Variants in EBF1 observed in about 807,000 individuals in gnomAD.
EBF1 encodes the protein EBF transcription factor 1.
In EBF1, 10 loss-of-function variants were observed where a neutral mutation model predicts 68.4. The observed-to-expected ratio is 0.15, with a 90% CI of 0.09 to 0.25. The LOEUF (loss-of-function observed/expected upper bound fraction) is 0.25. Among genes scored for constraint, EBF1 ranks in the 10% least tolerant of loss-of-function variants. The pLI is 1.00. For missense variants in EBF1, 509 were observed against 794.4 expected (o/e 0.64, Z 4.32); for synonymous variants, 298 against 299.8 (o/e 0.99, Z 0.06).
intron 6 of EBF1, among the ~76,000 whole-genome samples, chr5:158,987,625 A>C (rs1229081636): frequency 6.6e-6 from 1 of 152,126 alleles, no homozygotes; most frequent in Non-Finnish European, 1.5e-5. Flanking sequence ...GTTATTAGAC[A>C]CTCCAAGGAG....
At chr5:158,972,433 G>A (rs1755837237) in intron 6 of EBF1, among the ~76,000 whole-genome samples, 1 of 152,208 alleles carries the variant, frequency 6.6e-6, no homozygotes, top group Non-Finnish European at 1.5e-5. Flanking sequence ...TTCCCAAAAT[G>A]CATCTTTATG....
At chr5:158,863,195 C>T (rs1188183562) in intron 6 of EBF1, among the ~76,000 whole-genome samples, 1 of 152,134 alleles carries the variant, frequency 6.6e-6, no homozygotes, top group Non-Finnish European at 1.5e-5. Context: ...TCTCTTAAGC[C>T]TCCCCCCATG....
chr5:159,063,071 A>T (rs1313644929), intron 6 of EBF1, among the ~76,000 whole-genome samples: 1 of 152,230 alleles, frequency 6.6e-6, no homozygotes, highest in Non-Finnish European at 1.5e-5. Context: ...AGACCACCAG[A>T]TTCAACAACT....
chr5:158,699,059 T>C lies in EBF1; in HGVS notation c.*52A>G, dbSNP rs961773626. The C allele has an allele frequency of 1.3e-6, 2 of 1,535,676 alleles. No homozygotes were observed. Among genetic ancestry groups the C allele is most frequent in the Admixed American group, 2.0e-5 (1 of 50,560 alleles). ...CTCTGGGACTTGTATCAGATTACTC[T>C]CTGTAGCAGAATCCAACCTCTTCAT... On this transcript the variant is annotated 3_prime_UTR_variant, in exon 16 of 16. Coordinates refer to ENST00000313708, the MANE Select transcript of EBF1 (RefSeq NM_024007.5).
chr5:159,083,958 G>T (rs1165918211), intron 5 of EBF1, among the ~76,000 whole-genome samples: 1 of 152,226 alleles, frequency 6.6e-6, no homozygotes, highest in Non-Finnish European at 1.5e-5. Context: ...TGAGGCCATG[G>T]AAGTTAATTT....
At chr5:158,750,518 A>G (rs79721045) in intron 10 of EBF1, among the ~76,000 whole-genome samples, 2,569 of 152,226 alleles carry the variant, frequency 0.017, 24 homozygotes, top group East Asian at 0.05. Flanking sequence ...AAAAAGAGAG[A>G]GGAGACTGAT....
At chr5:158,957,574 G>T (rs1380626352) in intron 6 of EBF1, among the ~76,000 whole-genome samples, 1 of 152,194 alleles carries the variant, frequency 6.6e-6, no homozygotes, top group African/African-American at 2.4e-5. Flanking sequence ...AGAAAAAAAT[G>T]GTCCCAACTC....
chr5:158,740,591 G>T (rs1376232022), intron 10 of EBF1, among the ~76,000 whole-genome samples: 1 of 152,146 alleles, frequency 6.6e-6, no homozygotes, highest in African/African-American at 2.4e-5. Context: ...TGATTATTTG[G>T]TAACATTTTA....
At chr5:158,802,594 A>G (rs1384412166) in intron 8 of EBF1, among the ~76,000 whole-genome samples, 1 of 152,158 alleles carries the variant, frequency 6.6e-6, no homozygotes, top group Non-Finnish European at 1.5e-5. Context: ...CTGGCTTCTG[A>G]GTAAAGACAG....
intron 12 of EBF1, 37 bp from the exon 13 acceptor site, chr5:158,713,184 C>A: frequency 2.2e-6 from 3 of 1,364,030 alleles, no homozygotes; most frequent in Non-Finnish European, 2.9e-6. Context: ...CAGCTGCCCC[C>A]AGTCATATTC....
At chr5:159,000,793 C>T (rs1762372339) in intron 6 of EBF1, among the ~76,000 whole-genome samples, 5 of 151,970 alleles carry the variant, frequency 3.3e-5, no homozygotes, top group Admixed American at 2.6e-4. Flanking sequence ...TTTCAAATGA[C>T]CAATGAGTGA....
At position 158,779,871 on chromosome 5, in the gene EBF1, G is replaced by A. The variant is rs542761268; in HGVS notation, c.910-2332C>T. Reference sequence around the variant, plus strand: ...CTTTAGCATAAAGCATTAGGCTCAGGAAATGCAAACAAATTTTCATTTACA... The same window carrying A: ...CTTTAGCATAAAGCATTAGGCTCAGAAAATGCAAACAAATTTTCATTTACA... On this transcript the variant is annotated intron_variant, in intron 9 of 15. Coordinates refer to ENST00000313708, the MANE Select transcript of EBF1 (RefSeq NM_024007.5). Among the ~76,000 whole-genome samples, 3 of 152,224 alleles carry A rather than the reference G, an allele frequency of 2.0e-5. No homozygotes were observed. In the East Asian group the frequency reaches 5.8e-4, roughly 29 times the overall value.
chr5:159,045,053 T>C (rs2127789426), intron 6 of EBF1, among the ~76,000 whole-genome samples: 1 of 152,288 alleles, frequency 6.6e-6, no homozygotes, highest in East Asian at 1.9e-4. Flanking sequence ...TATTTATGTT[T>C]TCCTCCTTTT....
At chr5:158,729,293 G>T (rs1228709330) in intron 11 of EBF1, among the ~76,000 whole-genome samples, 1 of 152,186 alleles carries the variant, frequency 6.6e-6, no homozygotes, top group Non-Finnish European at 1.5e-5. Flanking sequence ...TGTCCAACCT[G>T]ACTCTCCTCA....
chr5:158,866,179 C>T (rs1795831350), intron 6 of EBF1, among the ~76,000 whole-genome samples: 1 of 152,224 alleles, frequency 6.6e-6, no homozygotes, highest in Middle Eastern at 3.2e-3. Context: ...CTAGGCAAAC[C>T]AGTTGCAGAC....
chr5:158,805,304 G>A lies in EBF1; in HGVS notation c.779-8829C>T, dbSNP rs148143564. ...TGAGCAAGTCTAGTGGAAAATCTGT[G>A]ACGCTAATCTTGGCTGGAGTCGTAT... On this transcript the variant is annotated intron_variant, in intron 8 of 15. Coordinates refer to ENST00000313708, the MANE Select transcript of EBF1 (RefSeq NM_024007.5). Among the ~76,000 whole-genome samples the A allele has an allele frequency of 2.2e-3, 337 of 152,230 alleles. 4 individuals carry two copies. The highest frequency in any genetic ancestry group is 7.9e-3 in the African/African-American group (330 of 41,550).
chr5:159,072,963 T>C (rs973553572), intron 6 of EBF1, among the ~76,000 whole-genome samples: 6 of 152,214 alleles, frequency 3.9e-5, no homozygotes, highest in African/African-American at 1.4e-4. Flanking sequence ...AAATAAAACC[T>C]TAAAGTGTAG....
chr5:158,861,679 G>C (rs1449336114), intron 6 of EBF1, among the ~76,000 whole-genome samples: 1 of 152,156 alleles, frequency 6.6e-6, no homozygotes, highest in Non-Finnish European at 1.5e-5. Context: ...GGCCAAAGCA[G>C]TTTAGTTTGA....
chr5:158,834,544 GT>G (rs1466466535), intron 7 of EBF1, among the ~76,000 whole-genome samples: 1 of 151,864 alleles, frequency 6.6e-6, no homozygotes, highest in Non-Finnish European at 1.5e-5. Flanking sequence ...TTTCTACAAG[GT>G]TTATTCCATA....
Sources: allele counts gnomAD v4.1 joint callset (sites outside exome capture counted in the v4.1 genomes callset), GRCh38; gene constraint gnomAD v4.1.1; transcripts MANE v1.5; gene names NCBI Gene and HGNC (gene_info 2026-07-23, HGNC 2026-07-21).